Variants in SGCZ observed in about 807,000 individuals in gnomAD.
The protein encoded by SGCZ is zeta-sarcoglycan.
In SGCZ, 40 loss-of-function variants were observed where a neutral mutation model predicts 41.3. The ratio of observed to expected loss-of-function variants is 0.97; its 90% CI spans 0.75 to 1.26. The LOEUF is 1.26. Ranked by LOEUF, SGCZ falls within the 50% of genes most tolerant of loss-of-function variation. SGCZ has a pLI of 0.00. For synonymous variants in SGCZ, 206 were observed against 137.5 expected, an observed-to-expected ratio of 1.50 and a Z score of -3.49; for missense variants, 552 against 369.8, an observed-to-expected ratio of 1.49 and a Z score of -4.04.
At chr8:15,184,284 T>C (rs115064770) in intron 1 of SGCZ, among the ~76,000 whole-genome samples, 1,547 of 152,294 alleles carry the variant, frequency 0.01, 28 homozygotes, top group African/African-American at 0.035. Flanking sequence ...TTTTCAATTA[T>C]ATTTAAAACA....
At chr8:14,179,520 CTT>C (rs1173945082) in intron 4 of SGCZ, among the ~76,000 whole-genome samples, 1 of 152,154 alleles carries the variant, frequency 6.6e-6, no homozygotes, top group Non-Finnish European at 1.5e-5. Flanking sequence ...TCTAGACTCT[CTT>C]TGCCCACCTC....
At chr8:14,469,755 C>G (rs576127731) in intron 2 of SGCZ, among the ~76,000 whole-genome samples, 1 of 152,128 alleles carries the variant, frequency 6.6e-6, no homozygotes, top group African/African-American at 2.4e-5. Flanking sequence ...ATGGTTTAAT[C>G]AATCGTGTCT....
At chr8:15,214,378 TA>T (rs976718344) in intron 1 of SGCZ, among the ~76,000 whole-genome samples, 1 of 152,162 alleles carries the variant, frequency 6.6e-6, no homozygotes, top group Non-Finnish European at 1.5e-5. Flanking sequence ...TAGGAGTTTC[TA>T]AAATCCCAAC....
intron 1 of SGCZ, among the ~76,000 whole-genome samples, chr8:14,573,397 T>C (rs927754431): frequency 6.6e-6 from 1 of 151,852 alleles, no homozygotes; most frequent in Non-Finnish European, 1.5e-5. Flanking sequence ...AGACGGGGTT[T>C]CACCGTGGTC....
intron 3 of SGCZ, among the ~76,000 whole-genome samples, chr8:14,293,904 T>G (rs748061282): frequency 6.6e-6 from 1 of 151,852 alleles, no homozygotes; most frequent in African/African-American, 2.4e-5. Context: ...AAATATTTAT[T>G]TTAATAAATG....
intron 2 of SGCZ, among the ~76,000 whole-genome samples, chr8:14,399,202 A>G (rs1799003368): frequency 6.6e-6 from 1 of 152,112 alleles, no homozygotes; most frequent in Admixed American, 6.6e-5. Flanking sequence ...TTTCCTGTTA[A>G]GTGTCAGGGT....
chr8:14,206,000 G>A (rs963504089), intron 4 of SGCZ, among the ~76,000 whole-genome samples: 1 of 151,968 alleles, frequency 6.6e-6, no homozygotes, highest in African/African-American at 2.4e-5. Flanking sequence ...TTACATAATT[G>A]ATATTTAAAC....
chr8:14,656,063 A>G (rs1028252713), intron 1 of SGCZ, among the ~76,000 whole-genome samples: 1 of 152,056 alleles, frequency 6.6e-6, no homozygotes, highest in African/African-American at 2.4e-5. Flanking sequence ...TTCTGTAGGC[A>G]TTTGTGTACA....
intron 1 of SGCZ, among the ~76,000 whole-genome samples, chr8:14,830,806 C>T (rs993349446): frequency 6.6e-6 from 1 of 151,928 alleles, no homozygotes; most frequent in African/African-American, 2.4e-5. Flanking sequence ...CAAGCTCTCT[C>T]GGTATGCAAT....
intron 1 of SGCZ, among the ~76,000 whole-genome samples, chr8:14,646,972 T>A (rs760127124): frequency 2.0e-5 from 3 of 151,910 alleles, no homozygotes; most frequent in Non-Finnish European, 4.4e-5. Flanking sequence ...ATTTCAGAAA[T>A]GAAGCCTGGA....
At chr8:14,449,404 T>A (rs1027809748) in intron 2 of SGCZ, among the ~76,000 whole-genome samples, 2 of 152,160 alleles carry the variant, frequency 1.3e-5, no homozygotes, top group Admixed American at 1.3e-4. Flanking sequence ...ATCATTTGTG[T>A]CCCAATATTT....
chr8:14,398,058 T>C (rs569902305), intron 2 of SGCZ, among the ~76,000 whole-genome samples: 7 of 152,178 alleles, frequency 4.6e-5, no homozygotes, highest in African/African-American at 7.2e-5. Flanking sequence ...TGACCCTCAA[T>C]TGACATCAAC....
intron 4 of SGCZ, among the ~76,000 whole-genome samples, chr8:14,192,074 A>T (rs943447667): frequency 1.2e-4 from 19 of 152,124 alleles, no homozygotes; most frequent in Middle Eastern, 3.2e-3. Flanking sequence ...TCATTTAATC[A>T]ATTGTATTTA....
chr8:14,769,697 C>A (rs1027613590), intron 1 of SGCZ, among the ~76,000 whole-genome samples: 4 of 149,600 alleles, frequency 2.7e-5, no homozygotes, highest in African/African-American at 7.5e-5. Flanking sequence ...GAGGCTGAGT[C>A]AGGAGAATCA....
intron 2 of SGCZ, among the ~76,000 whole-genome samples, chr8:14,353,883 G>A (rs17119160): frequency 0.026 from 4,005 of 152,118 alleles, 148 homozygotes; most frequent in African/African-American, 0.09. Context: ...GCTTTCAGAA[G>A]TTTATTCCTA....
intron 1 of SGCZ, among the ~76,000 whole-genome samples, chr8:14,775,005 G>C (rs1290514780): frequency 1.3e-5 from 2 of 152,084 alleles, no homozygotes; most frequent in Non-Finnish European, 2.9e-5. Flanking sequence ...AAAAATGCTT[G>C]TATGGAAAAT....
intron 1 of SGCZ, among the ~76,000 whole-genome samples, chr8:14,602,242 A>G (rs1805617720): frequency 6.6e-6 from 1 of 152,224 alleles, no homozygotes; most frequent in African/African-American, 2.4e-5. Flanking sequence ...GGTTTTAAAA[A>G]AATTCTCAAT....
At chr8:15,142,146 A>G (rs1400222386) in intron 1 of SGCZ, among the ~76,000 whole-genome samples, 1 of 152,166 alleles carries the variant, frequency 6.6e-6, no homozygotes, top group African/African-American at 2.4e-5. Context: ...TACAAACACG[A>G]GATGATTCTT....
chr8:14,593,813 C>A (rs1056460467), intron 1 of SGCZ, among the ~76,000 whole-genome samples: 1 of 152,128 alleles, frequency 6.6e-6, no homozygotes, highest in African/African-American at 2.4e-5. Context: ...TGAAAGGGTA[C>A]TTATTTGAGA....
Sources: gnomAD v4.1 joint callset for allele counts (sites outside exome capture counted in the v4.1 genomes callset) on GRCh38, gnomAD v4.1.1 for gene constraint, MANE v1.5 for transcripts, NCBI Gene and HGNC (gene_info 2026-07-23, HGNC 2026-07-21) for gene names.